Variants in MDGA2 observed in about 807,000 individuals in gnomAD.
MDGA2 encodes MAM domain containing glycosylphosphatidylinositol anchor 2.
Under a neutral mutation model 117.8 loss-of-function variants are expected in MDGA2, and 40 were observed. The ratio of observed to expected loss-of-function variants is 0.34; its 90% confidence interval spans 0.26 to 0.44. The LOEUF is 0.44. Among genes scored for constraint, MDGA2 ranks in the 20% least tolerant of loss-of-function variants. The pLI is 1.00. For synonymous variants in MDGA2, 452 were observed against 439.0 expected (o/e 1.03, Z -0.37); for missense variants, 1,123 against 1,250.6 (o/e 0.90, Z 1.54).
At chr14:47,069,965 C>A (rs1300956339) in intron 6 of MDGA2, among the ~76,000 whole-genome samples, 1 of 152,058 alleles carries the variant, frequency 6.6e-6, no homozygotes, top group African/African-American at 2.4e-5. Context: ...CGCATCTAAC[C>A]ATTCCCCCTA....
intron 1 of MDGA2, among the ~76,000 whole-genome samples, chr14:47,551,119 ATTAAG>A (rs1288435308): frequency 2.0e-5 from 3 of 152,248 alleles, no homozygotes; most frequent in African/African-American, 7.2e-5. Flanking sequence ...ATATGTAAAT[ATTAAG>A]TTAAAATACA....
chr14:47,106,584 A>G (rs994359824), intron 5 of MDGA2, among the ~76,000 whole-genome samples: 12 of 151,996 alleles, frequency 7.9e-5, no homozygotes, highest in Non-Finnish European at 2.9e-5. Flanking sequence ...CCACTCCCAG[A>G]GCCCCTGGAA....
At chr14:47,087,034 C>T (rs1594605805) in intron 6 of MDGA2, among the ~76,000 whole-genome samples, 2 of 152,172 alleles carry the variant, frequency 1.3e-5, no homozygotes, top group East Asian at 3.8e-4. Context: ...TAAAGCATCA[C>T]TTGCATTTAT....
chr14:47,401,046 C>A (rs892233775), intron 1 of MDGA2, among the ~76,000 whole-genome samples: 2 of 151,460 alleles, frequency 1.3e-5, no homozygotes, highest in East Asian at 4.0e-4. Flanking sequence ...CGTGAGCCAC[C>A]GTGCCCGGCC....
At chr14:47,645,916 C>T (rs1166812974) in intron 1 of MDGA2, among the ~76,000 whole-genome samples, 1 of 150,940 alleles carries the variant, frequency 6.6e-6, no homozygotes, top group Non-Finnish European at 1.5e-5. Flanking sequence ...ACTAAAAATA[C>T]AAAAGAAAAA....
chr14:47,206,706 A>G (rs1345314581), intron 3 of MDGA2, among the ~76,000 whole-genome samples: 2 of 152,030 alleles, frequency 1.3e-5, no homozygotes, highest in East Asian at 1.9e-4. Context: ...ACTGGGCAAC[A>G]TGCAAGACTC....
At chr14:47,143,736 C>G (rs182167351) in intron 4 of MDGA2, among the ~76,000 whole-genome samples, 65 of 152,096 alleles carry the variant, frequency 4.3e-4, no homozygotes, top group Non-Finnish European at 2.9e-5. Flanking sequence ...AAATCAAAAT[C>G]TCTCCTTTTG....
chr14:47,234,001 A>C (rs1032993884), intron 2 of MDGA2, among the ~76,000 whole-genome samples: 5 of 152,212 alleles, frequency 3.3e-5, no homozygotes, highest in Non-Finnish European at 7.4e-5. Context: ...GTAACCCTTA[A>C]AATGTTTTCG....
intron 7 of MDGA2, among the ~76,000 whole-genome samples, chr14:47,043,787 T>C (rs1265563898): frequency 6.6e-6 from 1 of 152,080 alleles, no homozygotes; most frequent in Non-Finnish European, 1.5e-5. Context: ...CTTATTCCCA[T>C]TGCCTCACCT....
chr14:47,283,754 A>G (rs1888579552), intron 2 of MDGA2, among the ~76,000 whole-genome samples: 1 of 152,200 alleles, frequency 6.6e-6, no homozygotes, highest in Non-Finnish European at 1.5e-5. Flanking sequence ...TTTAAAAAAT[A>G]ATAACAAAAA....
rs1376310656 is a variant in MDGA2, at chr14:46,841,892, G to C, written c.*39C>G. 4 of 1,355,702 alleles carry C rather than the reference G, an allele frequency of 3.0e-6. No homozygotes were observed. Among genetic ancestry groups the C allele is most frequent in the Non-Finnish European group, 4.2e-6 (4 of 959,794 alleles). 84.0% of individuals were successfully genotyped at this position (1,355,702 alleles called of 1,614,324 possible). A position where few individuals can be genotyped will look rare whatever the true frequency, so the allele number is the denominator to read the frequency against. On this transcript the variant is annotated 3_prime_UTR_variant, in exon 17 of 17. Coordinates refer to ENST00000399232, the MANE Select transcript of MDGA2 (RefSeq NM_001113498.3). ...TTACAAAGACTCTTTCTTCATGCCA[G>C]TGCCTGGTGAATCTTTTATAGCCTC...
At chr14:47,339,475 A>C (rs1890556198) in intron 1 of MDGA2, among the ~76,000 whole-genome samples, 1 of 152,046 alleles carries the variant, frequency 6.6e-6, no homozygotes, top group Admixed American at 6.6e-5. Flanking sequence ...TGTTTGGGTC[A>C]TGGGGGCAGA....
At chr14:47,650,324 C>G (rs1040644425) in intron 1 of MDGA2, among the ~76,000 whole-genome samples, 1 of 152,158 alleles carries the variant, frequency 6.6e-6, no homozygotes, top group South Asian at 2.1e-4. Flanking sequence ...ATCATGTGAG[C>G]CAATTCCTTA....
chr14:47,635,668 T>C (rs1418402602), intron 1 of MDGA2, among the ~76,000 whole-genome samples: 27 of 152,190 alleles, frequency 1.8e-4, no homozygotes, highest in Non-Finnish European at 5.9e-5. Flanking sequence ...GGCCATTATC[T>C]GATTTAAATC....
intron 3 of MDGA2, among the ~76,000 whole-genome samples, chr14:47,216,286 T>G (rs951280110): frequency 2.0e-5 from 3 of 152,164 alleles, no homozygotes; most frequent in African/African-American, 4.8e-5. Context: ...GTTGCAGAAA[T>G]GCAAGTCAAA....
At chr14:47,171,674 G>A (rs1884141939) in intron 3 of MDGA2, among the ~76,000 whole-genome samples, 3 of 152,176 alleles carry the variant, frequency 2.0e-5, no homozygotes, top group Admixed American at 2.0e-4. Flanking sequence ...AGCCAAGATG[G>A]CCGAATAGGA....
chr14:47,120,669 C>A (rs1313605372), intron 5 of MDGA2, among the ~76,000 whole-genome samples: 1 of 152,132 alleles, frequency 6.6e-6, no homozygotes, highest in Non-Finnish European at 1.5e-5. Context: ...ATTGCCACAA[C>A]TGCAGACAAA....
intron 3 of MDGA2, among the ~76,000 whole-genome samples, chr14:47,190,946 T>A (rs1490876933): frequency 6.6e-6 from 1 of 152,186 alleles, no homozygotes; most frequent in Non-Finnish European, 1.5e-5. Flanking sequence ...TGCAGTTTTT[T>A]TCTCTATATA....
In MDGA2 at chr14:47,176,452, T is replaced by G. The variant is rs528858757; in HGVS notation, c.596-32178A>C. 2.9e-3 allele frequency among the ~76,000 whole-genome samples: 438 copies of G among 151,874 alleles called. 5 individuals are homozygous for G. The highest frequency in any genetic ancestry group is 0.01 in the Middle Eastern group (3 of 292). On this transcript the variant is annotated intron_variant, in intron 3 of 16. Transcript: ENST00000399232. Reference sequence around the variant, plus strand: ...AGCATGGTACTGGTACCAAAACAGATATATAGATCAATGGAACAGAACAGA... The same window carrying G: ...AGCATGGTACTGGTACCAAAACAGAGATATAGATCAATGGAACAGAACAGA...
Sources: gnomAD v4.1 joint callset for allele counts (sites outside exome capture counted in the v4.1 genomes callset) on GRCh38, gnomAD v4.1.1 for gene constraint, MANE v1.5 for transcripts, NCBI Gene and HGNC (gene_info 2026-07-23, HGNC 2026-07-21) for gene names.